NCAM2: variants seen among roughly 807,000 people sequenced by gnomAD.
The protein encoded by NCAM2 is neural cell adhesion molecule 2, also known as N-CAM-2.
A neutral mutation model predicts 98.1 loss-of-function variants in NCAM2; 30 were observed. The ratio of observed to expected loss-of-function variants is 0.31; its 90% CI spans 0.23 to 0.41. The LOEUF is 0.41. NCAM2 is among the 10% of genes least tolerant of loss of function. NCAM2 has a pLI of 1.00. For missense variants in NCAM2, 867 were observed against 1,005.8 expected (o/e 0.86, Z 1.87); for synonymous variants, 368 against 342.4 (o/e 1.07, Z -0.83).
At chr21:21,341,291 T>C (rs1158415803) in intron 8 of NCAM2, among the ~76,000 whole-genome samples, 2 of 152,142 alleles carry the variant, frequency 1.3e-5, no homozygotes, top group Admixed American at 1.3e-4. Context: ...ATGCAGATTC[T>C]AGATTCCCAC....
At chr21:21,013,947 C>G (rs1408011091) in intron 1 of NCAM2, among the ~76,000 whole-genome samples, 1 of 152,156 alleles carries the variant, frequency 6.6e-6, no homozygotes, top group Admixed American at 6.5e-5. Flanking sequence ...CAGGACTACA[C>G]TAAACAACAG....
intron 1 of NCAM2, among the ~76,000 whole-genome samples, chr21:21,107,994 A>T (rs1157601589): frequency 6.6e-6 from 1 of 152,118 alleles, no homozygotes; most frequent in Non-Finnish European, 1.5e-5. Context: ...TGTACGTTGT[A>T]GGGATTAGAG....
At chr21:21,326,336 C>G (rs991911796) in intron 6 of NCAM2, among the ~76,000 whole-genome samples, 1 of 152,096 alleles carries the variant, frequency 6.6e-6, no homozygotes, top group African/African-American at 2.4e-5. Context: ...ATGCAGATTC[C>G]TCATTAGTCC....
intron 1 of NCAM2, among the ~76,000 whole-genome samples, chr21:21,229,484 G>T (rs1424005514): frequency 6.6e-5 from 10 of 151,500 alleles, no homozygotes; most frequent in Non-Finnish European, 3.0e-5. Context: ...GACATTTGCA[G>T]ATACTTTGCA....
At chr21:21,410,568 G>A (rs1018720456) in intron 10 of NCAM2, 107 bp downstream of exon 10, 4 of 572,090 alleles carry the variant, frequency 7.0e-6, no homozygotes, top group Non-Finnish European at 1.1e-5. Flanking sequence ...TAATAAGAGA[G>A]AGAAATCATG....
intron 5 of NCAM2, among the ~76,000 whole-genome samples, chr21:21,322,736 C>T (rs2074408875): frequency 6.6e-6 from 1 of 152,096 alleles, no homozygotes; most frequent in South Asian, 2.1e-4. Flanking sequence ...TCTTTATCTT[C>T]TGAGAAATAT....
At chr21:21,222,145 G>A (rs551582008) in intron 1 of NCAM2, among the ~76,000 whole-genome samples, 4 of 152,014 alleles carry the variant, frequency 2.6e-5, no homozygotes, top group Non-Finnish European at 5.9e-5. Context: ...GACCTACTAC[G>A]CAAGAAAAAA....
intron 1 of NCAM2, among the ~76,000 whole-genome samples, chr21:21,099,896 A>G (rs2066205262): frequency 6.6e-6 from 1 of 151,834 alleles, no homozygotes; most frequent in Admixed American, 6.6e-5. Flanking sequence ...ACTTGGGTTT[A>G]TTGCCATTTT....
chr21:21,175,776 A>G (rs1375931690), intron 1 of NCAM2, among the ~76,000 whole-genome samples: 1 of 152,180 alleles, frequency 6.6e-6, no homozygotes, highest in African/African-American at 2.4e-5. Flanking sequence ...GTGAAGTAAA[A>G]TTCAGTGTTA....
chr21:21,268,542 C>T (rs1319688850), intron 1 of NCAM2, among the ~76,000 whole-genome samples: 1 of 152,124 alleles, frequency 6.6e-6, no homozygotes, highest in African/African-American at 2.4e-5. Flanking sequence ...ACACATATAG[C>T]CCCAGAAAAT....
intron 8 of NCAM2, among the ~76,000 whole-genome samples, chr21:21,344,849 G>A (rs1316391884): frequency 6.6e-6 from 1 of 152,112 alleles, no homozygotes; most frequent in Admixed American, 6.5e-5. Context: ...GTGGCTTGAG[G>A]TCTAAAACAG....
chr21:21,433,963 T>C (rs2077411542), intron 12 of NCAM2, among the ~76,000 whole-genome samples: 1 of 152,122 alleles, frequency 6.6e-6, no homozygotes, highest in African/African-American at 2.4e-5. Context: ...AAAGTGCTGC[T>C]GCACCCTAGC....
At chr21:21,411,054 G>GTATA (rs766878394) in intron 10 of NCAM2, among the ~76,000 whole-genome samples, 1,553 of 29,208 alleles carry the variant, frequency 0.053, 176 homozygotes, top group East Asian at 0.13. Context: ...ATATGTGTGT[G>GTATA]TATATATATA....
intron 1 of NCAM2, among the ~76,000 whole-genome samples, chr21:20,998,930 T>A (rs1256422639): frequency 6.6e-6 from 1 of 152,052 alleles, no homozygotes; most frequent in African/African-American, 2.4e-5. Context: ...ATTTTTATTA[T>A]CAGAAATTGG....
chr21:21,151,952 G>A lies in NCAM2; in HGVS notation c.56-128626G>A, dbSNP rs148000645. Among the ~76,000 whole-genome samples, 278 of 151,968 alleles carry A rather than the reference G, an allele frequency of 1.8e-3. 2 individuals carry two copies. The highest frequency in any genetic ancestry group is 6.5e-3 in the African/African-American group (269 of 41,484). On this transcript the variant is annotated intron_variant, in intron 1 of 17. Coordinates refer to ENST00000400546, the MANE Select transcript of NCAM2 (RefSeq NM_004540.5). ...ATACCTCATTATAATTTCTTTATGT[G>A]TATCCTAATTAGAGATTATTAAGTT...
intron 8 of NCAM2, among the ~76,000 whole-genome samples, chr21:21,359,526 AT>A (rs1341950448): frequency 1.3e-5 from 2 of 151,976 alleles, no homozygotes; most frequent in African/African-American, 4.8e-5. Context: ...CTAATGAACT[AT>A]TATTTTGAAG....
chr21:21,125,644 G>A (rs1205504610), intron 1 of NCAM2, among the ~76,000 whole-genome samples: 13 of 130,222 alleles, frequency 1.0e-4, no homozygotes, highest in African/African-American at 8.6e-5. Context: ...AATATTTTAC[G>A]TGTATATGTA....
intron 8 of NCAM2, among the ~76,000 whole-genome samples, chr21:21,367,674 A>G (rs1429055024): frequency 6.6e-6 from 1 of 152,006 alleles, no homozygotes; most frequent in Non-Finnish European, 1.5e-5. Flanking sequence ...AGCTTTAGCC[A>G]ATTTATTATG....
intron 6 of NCAM2, among the ~76,000 whole-genome samples, chr21:21,328,954 ATTT>A (rs1178878212): frequency 1.4e-5 from 2 of 138,416 alleles, no homozygotes; most frequent in African/African-American, 2.7e-5. Context: ...TATAGCATTA[ATTT>A]TTTTTTTTTT....
Sources: allele counts gnomAD v4.1 joint callset (sites outside exome capture counted in the v4.1 genomes callset), GRCh38; gene constraint gnomAD v4.1.1; transcripts MANE v1.5; gene names NCBI Gene and HGNC (gene_info 2026-07-23, HGNC 2026-07-21).